Variants in TMEM45A observed in about 807,000 individuals in gnomAD.
TMEM45A encodes DNA polymerase-transactivated protein 4.
A neutral mutation model predicts 32.0 loss-of-function variants in TMEM45A; 25 were observed. That is an observed-to-expected ratio of 0.78 (90% confidence interval 0.57 to 1.09). The LOEUF (loss-of-function observed/expected upper bound fraction) is 1.09, where lower values mean the gene tolerates loss of function less well. Ranked by LOEUF, TMEM45A falls within the 50% of genes least tolerant of loss-of-function variation. TMEM45A has a pLI of 0.00. For synonymous variants in TMEM45A, 122 were observed against 114.8 expected (o/e 1.06, Z -0.40); for missense variants, 302 against 325.0 (o/e 0.93, Z 0.54).
intron 4 of TMEM45A, among the ~76,000 whole-genome samples, chr3:100,568,094 T>C (rs1290511621): frequency 1.3e-5 from 2 of 152,108 alleles, no homozygotes; most frequent in African/African-American, 4.8e-5. Flanking sequence ...CAGAACTGTT[T>C]TCTTAATTTT....
chr3:100,514,640 C>A (rs1417364969), intron 1 of TMEM45A, among the ~76,000 whole-genome samples: 1 of 152,170 alleles, frequency 6.6e-6, no homozygotes, highest in East Asian at 1.9e-4. Context: ...TCTAATTAAA[C>A]TAAAGAGCTT....
At chr3:100,547,351 A>C (rs1213881318) in intron 1 of TMEM45A, among the ~76,000 whole-genome samples, 1 of 151,704 alleles carries the variant, frequency 6.6e-6, no homozygotes, top group Admixed American at 6.6e-5. Context: ...CAAACTCCTG[A>C]CCTCATGTTC....
chr3:100,496,617 C>T (rs2148922411), intron 1 of TMEM45A, among the ~76,000 whole-genome samples: 1 of 152,340 alleles, frequency 6.6e-6, no homozygotes, highest in South Asian at 2.1e-4. Context: ...TAAAATTTGC[C>T]TGGCGGGGGC....
At chr3:100,540,543 T>C (rs889976079) in intron 1 of TMEM45A, among the ~76,000 whole-genome samples, 4 of 152,180 alleles carry the variant, frequency 2.6e-5, no homozygotes, top group African/African-American at 7.2e-5. Context: ...CACCACAAAA[T>C]GTTGATGAGA....
chr3:100,574,301 A>G (rs887654429), intron 5 of TMEM45A: 9 of 152,344 alleles, frequency 5.9e-5, no homozygotes, highest in African/African-American at 1.9e-4. Flanking sequence ...GACGCAATAA[A>G]AAATGATAAA....
chr3:100,538,594 A>G (rs902869711), intron 1 of TMEM45A, among the ~76,000 whole-genome samples: 3 of 152,216 alleles, frequency 2.0e-5, no homozygotes, highest in Admixed American at 6.5e-5. Context: ...TAAAAAGTAT[A>G]CAGACTGGGA....
intron 1 of TMEM45A, among the ~76,000 whole-genome samples, chr3:100,501,900 G>A (rs1472114332): frequency 6.6e-6 from 1 of 152,098 alleles, no homozygotes; most frequent in Non-Finnish European, 1.5e-5. Context: ...ACTCAGAGTT[G>A]ACCACTAATT....
intron 5 of TMEM45A, among the ~76,000 whole-genome samples, chr3:100,576,119 CCTGA>C (rs1426018293): frequency 1.3e-5 from 2 of 151,818 alleles, no homozygotes; most frequent in Non-Finnish European, 2.9e-5. Context: ...TCGAGACCAT[CCTGA>C]CCAACATGGA....
intron 1 of TMEM45A, among the ~76,000 whole-genome samples, chr3:100,520,605 G>A (rs1017484042): frequency 3.3e-5 from 5 of 152,210 alleles, no homozygotes; most frequent in Non-Finnish European, 7.4e-5. Flanking sequence ...AGCCCCTCTT[G>A]TACGCCCCAC....
chr3:100,544,755 T>C (rs1424606575), intron 1 of TMEM45A, among the ~76,000 whole-genome samples: 1 of 152,202 alleles, frequency 6.6e-6, no homozygotes, highest in Non-Finnish European at 1.5e-5. Context: ...TGTCAATGGG[T>C]TATTTCCAGG....
intron 1 of TMEM45A, among the ~76,000 whole-genome samples, chr3:100,533,086 C>T (rs1267700229): frequency 6.6e-6 from 1 of 152,052 alleles, no homozygotes; most frequent in African/African-American, 2.4e-5. Context: ...TGTCTTGGTA[C>T]ATAATAGGAG....
At chr3:100,493,120 C>CTTTT (rs570241165) in intron 1 of TMEM45A, among the ~76,000 whole-genome samples, 192 bp downstream of exon 1, 76 of 115,874 alleles carry the variant, frequency 6.6e-4, no homozygotes, top group East Asian at 1.2e-3. Context: ...GTTTGCTATT[C>CTTTT]TTTTTTTTTT....
intron 1 of TMEM45A, among the ~76,000 whole-genome samples, chr3:100,506,227 A>G (rs1224345107): frequency 6.6e-6 from 1 of 152,228 alleles, no homozygotes; most frequent in Non-Finnish European, 1.5e-5. Context: ...AGTAGTGGGG[A>G]ATAATTAGCA....
At chr3:100,495,996 G>A (rs534002419) in intron 1 of TMEM45A, among the ~76,000 whole-genome samples, 1 of 152,146 alleles carries the variant, frequency 6.6e-6, no homozygotes, top group Non-Finnish European at 1.5e-5. Flanking sequence ...AAGTAGATAA[G>A]AACTGTAATA....
rs138405182 is a variant in TMEM45A, at chr3:100,509,927, G to A, written c.-4+16999G>A. On this transcript the variant is annotated intron_variant, in intron 1 of 5. Coordinates refer to ENST00000323523, the MANE Select transcript of TMEM45A (RefSeq NM_018004.3). ...TTTTCCAACGGGCTTAAAAAACGGCGCACCAGGAGATTATATCCCACGCAT... is the reference window on the plus strand; with the variant it reads ...TTTTCCAACGGGCTTAAAAAACGGCACACCAGGAGATTATATCCCACGCAT... Among the ~76,000 whole-genome samples the A allele has an allele frequency of 8.0e-3, 1,219 of 152,290 alleles. 18 individuals are homozygous for A. Among genetic ancestry groups the A allele is most frequent in the African/African-American group, 0.028 (1,148 of 41,566 alleles).
intron 1 of TMEM45A, among the ~76,000 whole-genome samples, chr3:100,535,592 G>A (rs1192637853): frequency 6.6e-6 from 1 of 152,134 alleles, no homozygotes; most frequent in East Asian, 1.9e-4. Flanking sequence ...TAATTGGCCA[G>A]CTCTTTCAAA....
intron 1 of TMEM45A, among the ~76,000 whole-genome samples, chr3:100,508,157 C>T (rs943053861): frequency 1.3e-5 from 2 of 152,000 alleles, no homozygotes; most frequent in East Asian, 3.9e-4. Flanking sequence ...TACTGCAATC[C>T]TAGCTACAGA....
In TMEM45A at chr3:100,544,103, GTAGAT is replaced by G. The variant is rs549963925; in HGVS notation, c.-3-11104_-3-11100del. ...GTTTTTTTTTTTGCTATTATACAAGGTAGATTTATTTTTTTTGCTTTTGTACATGA... is the reference window on the plus strand; with the variant it reads ...GTTTTTTTTTTTGCTATTATACAAGGTTATTTTTTTTGCTTTTGTACATGA... On this transcript the variant is annotated intron_variant, in intron 1 of 5. Transcript: ENST00000323523. Among the ~76,000 whole-genome samples, 16 of 151,974 alleles carry G rather than the reference GTAGAT, an allele frequency of 1.1e-4. No individual in the cohort carries two copies. The East Asian group carries it at 2.9e-3, about 28-fold the overall frequency.
chr3:100,556,725 C>A (rs1450219728), intron 2 of TMEM45A, 35 bp from the exon 3 acceptor site: 1 of 1,568,510 alleles, frequency 6.4e-7, no homozygotes, highest in Non-Finnish European at 8.7e-7. Flanking sequence ...CTATGTAAAG[C>A]AGAGTTGCTA....
Sources: gnomAD v4.1 joint callset for allele counts (sites outside exome capture counted in the v4.1 genomes callset) on GRCh38, gnomAD v4.1.1 for gene constraint, MANE v1.5 for transcripts, NCBI Gene and HGNC (gene_info 2026-07-23, HGNC 2026-07-21) for gene names.